RUNX1: variants seen among roughly 807,000 people sequenced by gnomAD.
RUNX1 encodes the protein RUNX family transcription factor 1, also known as runt-related transcription factor 1.
Under a neutral mutation model 42.8 loss-of-function variants are expected in RUNX1, and 19 were observed. The ratio of observed to expected loss-of-function variants is 0.44; its 90% CI spans 0.31 to 0.65. The LOEUF is 0.65. Among genes scored for constraint, RUNX1 ranks in the 30% least tolerant of loss-of-function variants. RUNX1 has a pLI of 0.07. For synonymous variants in RUNX1, 271 were observed against 289.4 expected, an observed-to-expected ratio of 0.94 and a Z score of 0.64; for missense variants, 528 against 672.0, an observed-to-expected ratio of 0.79 and a Z score of 2.37.
chr21:35,010,399 C>G (rs558470679), intron 2 of RUNX1, among the ~76,000 whole-genome samples: 43 of 152,184 alleles, frequency 2.8e-4, no homozygotes, highest in Admixed American at 1.2e-3. Flanking sequence ...AGGTTCAAAG[C>G]ACCTGACAAT....
At chr21:34,888,454 A>C in intron 3 of RUNX1, 24 of 1,067,228 alleles carry the variant, frequency 2.2e-5, no homozygotes, top group Non-Finnish European at 2.7e-5. Flanking sequence ...AAAGAAGTTG[A>C]AAACATCCAG....
intron 2 of RUNX1, among the ~76,000 whole-genome samples, chr21:35,013,659 G>A (rs1484456025): frequency 6.6e-6 from 1 of 152,206 alleles, no homozygotes; most frequent in Non-Finnish European, 1.5e-5. Context: ...AGCCTTTCCA[G>A]AAAGGGCAAT....
chr21:34,996,514 G>A (rs977579082), intron 2 of RUNX1, among the ~76,000 whole-genome samples: 5 of 152,004 alleles, frequency 3.3e-5, no homozygotes, highest in South Asian at 2.1e-4. Flanking sequence ...GTCAGCCCAC[G>A]AGATGCTGGG....
At chr21:34,905,518 C>A (rs371145183) in intron 2 of RUNX1, among the ~76,000 whole-genome samples, 1 of 152,276 alleles carries the variant, frequency 6.6e-6, no homozygotes, top group East Asian at 1.9e-4. Flanking sequence ...ATCCCACTCT[C>A]CCCAAAAGAC....
At chr21:34,909,752 GTATAGC>G (rs2058257525) in intron 2 of RUNX1, among the ~76,000 whole-genome samples, 1 of 152,182 alleles carries the variant, frequency 6.6e-6, no homozygotes, top group African/African-American at 2.4e-5. Context: ...TTGTTGCAAA[GTATAGC>G]CAAGCTGATA....
intron 2 of RUNX1, among the ~76,000 whole-genome samples, chr21:34,898,826 C>A (rs563895115): frequency 2.4e-4 from 36 of 152,364 alleles, no homozygotes; most frequent in African/African-American, 8.7e-4. Flanking sequence ...GCCTGAGATT[C>A]TTGGTTTCCC....
chr21:34,820,204 G>A (rs1389351216), intron 7 of RUNX1, among the ~76,000 whole-genome samples: 4 of 152,180 alleles, frequency 2.6e-5, no homozygotes, highest in African/African-American at 9.7e-5. Flanking sequence ...TGCGGAGGGT[G>A]GGCATGGCTT....
intron 2 of RUNX1, among the ~76,000 whole-genome samples, chr21:34,962,725 G>A (rs530929557): frequency 4.8e-4 from 73 of 152,318 alleles, no homozygotes; most frequent in Non-Finnish European, 9.0e-4. Flanking sequence ...ATACGCATTC[G>A]CGTTGCAATC....
intron 5 of RUNX1, among the ~76,000 whole-genome samples, chr21:34,864,561 C>T (rs1032803340): frequency 1.3e-5 from 2 of 152,198 alleles, no homozygotes; most frequent in African/African-American, 4.8e-5. Context: ...CACAGATGGC[C>T]CCAGCACTGA....
At position 34,792,609 on chromosome 21, in the gene RUNX1, C is replaced by A; in HGVS notation, c.969G>T (p.Thr323=). The A allele has an allele frequency of 6.3e-7, 1 of 1,582,672 alleles. No individual in the cohort carries two copies. Among genetic ancestry groups the A allele is most frequent in the South Asian group, 1.2e-5 (1 of 86,756 alleles). ...CGCTGAACGCTGTCAGGTCGGGTGC[C>A]GCTGCAGGGCGGGCAAGAGAACGGA... ...LSAELSSRLS[T]APDLTAFSDP... The change falls in exon 9 of 9, where the codon ACG becomes ACT. Residue 323 remains threonine, a splice_region_variant and synonymous_variant. Transcript: ENST00000675419. This position sits in a 1 kb window ranked among gnomAD's most constrained non-coding sequence, Gnocchi z 6.9.
chr21:34,840,573 G>A (rs1239065419), intron 6 of RUNX1, among the ~76,000 whole-genome samples: 1 of 151,488 alleles, frequency 6.6e-6, no homozygotes, highest in Non-Finnish European at 1.5e-5. Context: ...TTCTAATGAG[G>A]TTACGACTTT....
chr21:34,834,150 T>C (rs1294961143), intron 7 of RUNX1: 2 of 685,894 alleles, frequency 2.9e-6, no homozygotes, highest in Admixed American at 4.0e-5. Context: ...TACCCAGAGC[T>C]CCTCGTATCC....
At position 34,791,155 on chromosome 21, in the gene RUNX1, A is replaced by C; in HGVS notation, c.*980T>G. 4.3e-6 allele frequency: 1 copy of C among 233,648 alleles called. No individual in the cohort carries two copies. Among genetic ancestry groups the C allele is most frequent in the Non-Finnish European group, 8.5e-6 (1 of 118,010 alleles). 14.5% of individuals were successfully genotyped at this position (233,648 alleles called of 1,614,324 possible). A position where few individuals can be genotyped will look rare whatever the true frequency, so the allele number is the denominator to read the frequency against. On this transcript the variant is annotated 3_prime_UTR_variant, in exon 9 of 9. Coordinates refer to ENST00000675419, the MANE Select transcript of RUNX1 (RefSeq NM_001754.5). Reference sequence around the variant, plus strand: ...CGTGAGCTACTCACTTGTTTGATTAACATGAAAGGGAGTTTAATGTAAACA... The same window carrying C: ...CGTGAGCTACTCACTTGTTTGATTACCATGAAAGGGAGTTTAATGTAAACA...
intron 2 of RUNX1, among the ~76,000 whole-genome samples, chr21:34,986,601 C>T (rs867830736): frequency 6.7e-6 from 1 of 148,952 alleles, no homozygotes; most frequent in Non-Finnish European, 1.5e-5. Flanking sequence ...TGATCAGCAT[C>T]CTTATAAGAA....
chr21:34,913,971 T>C (rs1447114440), intron 2 of RUNX1, among the ~76,000 whole-genome samples: 4 of 152,166 alleles, frequency 2.6e-5, no homozygotes, highest in African/African-American at 9.7e-5. Flanking sequence ...CCAGTGTGTG[T>C]AGCTGCTCAG....
intron 2 of RUNX1, among the ~76,000 whole-genome samples, chr21:34,900,157 T>C (rs373849787): frequency 1.4e-4 from 21 of 152,384 alleles, no homozygotes; most frequent in African/African-American, 4.6e-4. Flanking sequence ...GAAAACATTG[T>C]CATTTGAACA....
chr21:34,860,871 G>A (rs569591553), intron 5 of RUNX1, among the ~76,000 whole-genome samples: 3 of 152,252 alleles, frequency 2.0e-5, no homozygotes, highest in East Asian at 1.9e-4. Flanking sequence ...ATTCCTAATC[G>A]TGAGAAATCT....
chr21:34,943,007 T>C (rs1459579159), intron 2 of RUNX1, among the ~76,000 whole-genome samples: 1 of 152,208 alleles, frequency 6.6e-6, no homozygotes, highest in Non-Finnish European at 1.5e-5. Context: ...GAGTACGCCT[T>C]GGCAGCTTTT....
intron 2 of RUNX1, among the ~76,000 whole-genome samples, chr21:35,039,194 TAGG>T (rs538753815): frequency 6.2e-4 from 94 of 152,302 alleles, no homozygotes; most frequent in South Asian, 4.1e-3. Flanking sequence ...TGAGGAGGAT[TAGG>T]AGAAGTGTCT....
Sources: gnomAD v4.1 joint callset for allele counts (sites outside exome capture counted in the v4.1 genomes callset) on GRCh38, gnomAD v4.1.1 for gene constraint, Gnocchi (gnomAD v3.1) non-coding constraint, MANE v1.5 for transcripts, NCBI Gene and HGNC (gene_info 2026-07-23, HGNC 2026-07-21) for gene names.